The following SERPINI1 variants were observed in gnomAD, a reference collection of about 807,000 sequenced individuals.
The protein encoded by SERPINI1 is neuroserpin.
A neutral mutation model predicts 41.1 loss-of-function variants in SERPINI1; 19 were observed. The ratio of observed to expected loss-of-function variants is 0.46; its 90% CI spans 0.32 to 0.68. The LOEUF is 0.68. SERPINI1 is among the 30% of genes least tolerant of loss of function. The pLI is 0.03. For synonymous variants in SERPINI1, 138 were observed against 156.6 expected (o/e 0.88, Z 0.89); for missense variants, 460 against 479.2 (o/e 0.96, Z 0.37).
chr3:167,741,695 A>G (rs1725681928), intron 1 of SERPINI1, among the ~76,000 whole-genome samples: 1 of 152,242 alleles, frequency 6.6e-6, no homozygotes, highest in Non-Finnish European at 1.5e-5. Context: ...GCAATTTAGA[A>G]TCATTGAAGC....
intron 1 of SERPINI1, among the ~76,000 whole-genome samples, chr3:167,743,244 C>T (rs1443280782): frequency 6.6e-6 from 1 of 151,950 alleles, no homozygotes; most frequent in Non-Finnish European, 1.5e-5. Flanking sequence ...AAATTTATTA[C>T]CCTAGAAAAT....
chr3:167,750,110 C>T (rs1040298487), intron 1 of SERPINI1, among the ~76,000 whole-genome samples: 13 of 152,128 alleles, frequency 8.5e-5, no homozygotes, highest in Non-Finnish European at 1.6e-4. Context: ...AAATAAATTT[C>T]GGTGCTTAAA....
At chr3:167,799,668 A>T (rs942715907) in intron 5 of SERPINI1, among the ~76,000 whole-genome samples, 16 of 152,288 alleles carry the variant, frequency 1.1e-4, no homozygotes, top group African/African-American at 3.6e-4. Context: ...AACAGTGTAA[A>T]AGCATTACTA....
In SERPINI1 at chr3:167,772,864, C is replaced by CTATATATATATATA. The variant is rs1161668820; in HGVS notation, c.-18-16230_-18-16217dup. Among the ~76,000 whole-genome samples the CTATATATATATATA allele has an allele frequency of 3.9e-3, 96 of 24,582 alleles. 1 individual carries two copies. Among genetic ancestry groups the CTATATATATATATA allele is most frequent in the South Asian group, 5.2e-3 (2 of 388 alleles). 16.1% of individuals were successfully genotyped at this position (24,582 alleles called of 152,430 possible). A position where few individuals can be genotyped will look rare whatever the true frequency, so the allele number is the denominator to read the frequency against. The stretch of plus-strand genomic sequence containing the variant: ...TCTCTCTCTCTCTCTCTCTCTCTCT[C>CTATATATATATATA]TATATATATATATATATATATATAT... On this transcript the variant is annotated intron_variant, in intron 1 of 8. Transcript: ENST00000446050.
intron 1 of SERPINI1, among the ~76,000 whole-genome samples, chr3:167,769,157 C>G (rs1006798888): frequency 1.3e-5 from 2 of 152,174 alleles, no homozygotes; most frequent in Non-Finnish European, 2.9e-5. Context: ...CCATGCCCAG[C>G]TAATTTTTGT....
chr3:167,769,049 A>G (rs1726656854), intron 1 of SERPINI1, among the ~76,000 whole-genome samples: 1 of 152,070 alleles, frequency 6.6e-6, no homozygotes, highest in South Asian at 2.1e-4. Context: ...GCTGGAGTGC[A>G]GTGGCATGAT....
chr3:167,808,700 C>G (rs1711750577), intron 6 of SERPINI1, among the ~76,000 whole-genome samples: 1 of 152,118 alleles, frequency 6.6e-6, no homozygotes, highest in African/African-American at 2.4e-5. Flanking sequence ...GCTTCTAAAC[C>G]TGGAGTGTGA....
chr3:167,823,034 A>C lies in SERPINI1; in HGVS notation c.1028A>C (p.Glu343Ala). Residue 343 changes from glutamate to alanine, a missense_variant, in exon 7 of 9, where the codon GAG (glutamate) becomes GCG (alanine). Coordinates refer to ENST00000446050, the MANE Select transcript of SERPINI1 (RefSeq NM_001122752.2). ...AAAGCAATTCACAAGTCCTTCCTAG[A>C]GGTTAATGAAGAAGGCTCAGAAGCT... ...LSKAIHKSFL[E>A]VNEEGSEAAA... 1.9e-6 allele frequency: 3 copies of C among 1,611,078 alleles called. No homozygotes were observed. Among genetic ancestry groups the C allele is most frequent in the African/African-American group, 1.3e-5 (1 of 74,974 alleles).
At chr3:167,739,472 CTG>C (rs1725598698) in intron 1 of SERPINI1, among the ~76,000 whole-genome samples, 1 of 152,204 alleles carries the variant, frequency 6.6e-6, no homozygotes, top group South Asian at 2.1e-4. Context: ...TGGATTCACA[CTG>C]TGTGCGCTGC....
intron 1 of SERPINI1, among the ~76,000 whole-genome samples, chr3:167,786,122 T>C (rs1727296823): frequency 6.6e-6 from 1 of 152,216 alleles, no homozygotes; most frequent in South Asian, 2.1e-4. Context: ...ACAGTGGTAT[T>C]TGTGTATCTA....
intron 4 of SERPINI1, among the ~76,000 whole-genome samples, chr3:167,794,165 A>C (rs1727635986): frequency 1.3e-5 from 2 of 152,020 alleles, no homozygotes; most frequent in East Asian, 1.9e-4. Context: ...ATTGTTTCTA[A>C]TGCTACACTT....
At chr3:167,740,745 C>T (rs1466342425) in intron 1 of SERPINI1, among the ~76,000 whole-genome samples, 4 of 152,112 alleles carry the variant, frequency 2.6e-5, no homozygotes, top group East Asian at 3.9e-4. Context: ...CGTGCATGGG[C>T]GCATGCTTCA....
rs550004141 is a variant in SERPINI1, at chr3:167,767,127, C to T, written c.-18-21984C>T. Among the ~76,000 whole-genome samples the T allele has an allele frequency of 4.6e-5, 7 of 152,344 alleles. No homozygotes were observed. The South Asian group carries it at 1.5e-3, about 32-fold the overall frequency. ...AAACTTCAAAGGACAGGCTGACTCT[C>T]ATTATGGGCTAAATGCAGCTGGTGA... On this transcript the variant is annotated intron_variant, in intron 1 of 8. Coordinates refer to ENST00000446050, the MANE Select transcript of SERPINI1 (RefSeq NM_001122752.2).
At chr3:167,785,388 C>T (rs146958202) in intron 1 of SERPINI1, among the ~76,000 whole-genome samples, 4 of 152,246 alleles carry the variant, frequency 2.6e-5, no homozygotes, top group African/African-American at 4.8e-5. Flanking sequence ...GCATGATAGC[C>T]AACTTGGGAC....
chr3:167,803,284 A>AAAT (rs1711512530), intron 5 of SERPINI1, among the ~76,000 whole-genome samples: 1 of 147,602 alleles, frequency 6.8e-6, no homozygotes, highest in African/African-American at 2.5e-5. Context: ...AATAATAATA[A>AAAT]AAATAAATAA....
intron 5 of SERPINI1, among the ~76,000 whole-genome samples, chr3:167,799,539 A>T (rs1053145528): frequency 1.3e-5 from 2 of 152,094 alleles, no homozygotes; most frequent in Admixed American, 1.3e-4. Flanking sequence ...ATGATTTATA[A>T]TCCTTTGGGT....
chr3:167,816,225 T>C (rs190794594), intron 6 of SERPINI1, among the ~76,000 whole-genome samples: 1 of 152,018 alleles, frequency 6.6e-6, no homozygotes, highest in Non-Finnish European at 1.5e-5. Flanking sequence ...ACAGATGGGG[T>C]TTTGCCATGT....
chr3:167,781,580 T>G lies in SERPINI1; in HGVS notation c.-18-7531T>G, dbSNP rs552160018. 3.6e-4 allele frequency among the ~76,000 whole-genome samples: 55 copies of G among 151,372 alleles called. 1 individual carries two copies. In the South Asian group the frequency reaches 8.7e-3, roughly 24 times the overall value. ...GTCTGAGAATTAACAGGCAGGGAAC[T>G]TCTAATACAGTGTTCTTTTTGTTAG... On this transcript the variant is annotated intron_variant, in intron 1 of 8. Transcript: ENST00000446050.
At chr3:167,763,964 A>T (rs1331844294) in intron 1 of SERPINI1, among the ~76,000 whole-genome samples, 1 of 152,230 alleles carries the variant, frequency 6.6e-6, no homozygotes, top group Non-Finnish European at 1.5e-5. Context: ...CACATTAATA[A>T]TACTAATGAT....
Sources: allele counts gnomAD v4.1 joint callset (sites outside exome capture counted in the v4.1 genomes callset), GRCh38; gene constraint gnomAD v4.1.1; transcripts MANE v1.5; gene names NCBI Gene and HGNC (gene_info 2026-07-23, HGNC 2026-07-21).